KYAT3: variants seen among roughly 807,000 people sequenced by gnomAD.
KYAT3 encodes kynurenine aminotransferase 3, also known as kynurenine--oxoglutarate transaminase 3.
Under a neutral mutation model 59.0 loss-of-function variants are expected in KYAT3, and 50 were observed. That is an observed-to-expected ratio of 0.85 (90% CI 0.68 to 1.07). The LOEUF is 1.07. KYAT3 is among the 50% of genes least tolerant of loss of function. The pLI is 0.00. For missense variants in KYAT3, 497 were observed against 533.3 expected (o/e 0.93, Z 0.67); for synonymous variants, 148 against 177.0 (o/e 0.84, Z 1.30).
intron 13 of KYAT3, among the ~76,000 whole-genome samples, chr1:88,942,753 G>A (rs1006761194): frequency 6.6e-6 from 1 of 151,842 alleles, no homozygotes; most frequent in Admixed American, 6.6e-5. Flanking sequence ...TAGTAGAGAC[G>A]GGGTTTCACT....
intron 8 of KYAT3, among the ~76,000 whole-genome samples, chr1:88,960,677 A>G (rs554894818): frequency 1.3e-5 from 2 of 152,234 alleles, no homozygotes; most frequent in African/African-American, 4.8e-5. Context: ...CCTATAGTTG[A>G]CATGGTTTGG....
chr1:88,964,973 A>G lies in KYAT3; in HGVS notation c.309T>C (p.His103=). 1 of 1,601,570 alleles carries G rather than the reference A, an allele frequency of 6.2e-7. No homozygotes were observed. Among genetic ancestry groups the G allele is most frequent in the Non-Finnish European group, 8.5e-7 (1 of 1,177,426 alleles). The change falls in exon 5 of 14, where the codon CAT becomes CAC. Residue 103 remains histidine (H), a synonymous_variant. Coordinates refer to ENST00000260508, the MANE Select transcript of KYAT3 (RefSeq NM_001008661.3). ...AGGACAGAGCTTTCACAAGTGATGG[A>G]TGGCCCTGTTGGATTAAAAATAAGA... The part of the protein sequence containing the change: ...SLNQYTRGFG[H]PSLVKALSYL...
rs967285454 is a variant in KYAT3 at position 88,961,413 on chromosome 1, T to A, written c.634A>T (p.Ile212Leu). 22 of 1,613,994 alleles carry A rather than the reference T, an allele frequency of 1.4e-5. No homozygotes were observed. The highest frequency in any genetic ancestry group is 1.8e-5 in the Non-Finnish European group (21 of 1,179,904). The change falls in exon 7 of 14, where the codon ATA (isoleucine) becomes TTA (leucine). Residue 212 changes from isoleucine to leucine, a missense_variant. By Grantham distance (5) the Ile-to-Leu change is conservative (BLOSUM62 2). Around this residue, in one of 2 missense-constraint regions of KYAT3, gnomAD observed 469 missense variants for 479.1 expected, o/e 0.98. Transcript: ENST00000260508. ...AGTGGGTTATGTGGAGTATTTAGTA[T>A]AATAGCTTTGGTTTTGGAATTAAAT... ...SKFNSKTKAI[I>L]LNTPHNPLGK...
At position 88,964,849 on chromosome 1, in the gene KYAT3, A is replaced by G. The variant is rs762239950; in HGVS notation, c.433T>C (p.Leu145=). The G allele has an allele frequency of 3.1e-6, 5 of 1,595,358 alleles. No individual in the cohort carries two copies. The East Asian group carries it at 9.0e-5, about 29-fold the overall frequency. Residue 145 remains leucine, a synonymous_variant, in exon 5 of 14, where the codon TTA becomes CTA. Coordinates refer to ENST00000260508, the MANE Select transcript of KYAT3 (RefSeq NM_001008661.3). ...YGSLFNTIQA[L]IDEGDEVILI... The stretch of plus-strand genomic sequence containing the variant: ...CTTACTTCATCTCCCTCATCAATTA[A>G]TGCTTGAATGGTGTTAAAAAGAGAT...
chr1:88,958,545 A>C (rs1468786078), intron 8 of KYAT3, among the ~76,000 whole-genome samples: 1 of 152,216 alleles, frequency 6.6e-6, no homozygotes, highest in Admixed American at 6.5e-5. Context: ...ATTTTAAAAA[A>C]TCAATGTTAA....
chr1:88,958,826 G>A (rs1196137403), intron 8 of KYAT3, among the ~76,000 whole-genome samples: 1 of 151,788 alleles, frequency 6.6e-6, no homozygotes, highest in East Asian at 1.9e-4. Context: ...ATTTCATGAT[G>A]TAGAACACTG....
At chr1:88,963,381 CA>C (rs1676224353) in intron 5 of KYAT3, among the ~76,000 whole-genome samples, 2 of 152,154 alleles carry the variant, frequency 1.3e-5, no homozygotes, top group Non-Finnish European at 2.9e-5. Flanking sequence ...CTGTGAACTT[CA>C]TTAACATGTT....
intron 2 of KYAT3, among the ~76,000 whole-genome samples, chr1:88,978,162 TTTAG>T (rs1411468873): frequency 1.3e-5 from 2 of 152,170 alleles, no homozygotes; most frequent in Admixed American, 1.3e-4. Context: ...AGTGATGACA[TTTAG>T]TATTAATTCA....
rs922278223 is a variant in KYAT3 at position 88,983,852 on chromosome 1, G to A, written c.99+4400C>T. 4 of 1,602,224 alleles carry A rather than the reference G, an allele frequency of 2.5e-6. No homozygotes were observed. The African/African-American group carries it at 4.1e-5, about 16-fold the overall frequency. The stretch of plus-strand genomic sequence containing the variant: ...TTTTTTTTTTGCCGGTGAGTCGGAG[G>A]GGTGACAGTGGGTTCAAGCTCCAAC... On this transcript the variant is annotated intron_variant, in intron 2 of 13. Transcript: ENST00000260508.
At chr1:88,991,730 G>A (rs199903497) in intron 1 of KYAT3, among the ~76,000 whole-genome samples, 61 of 152,370 alleles carry the variant, frequency 4.0e-4, no homozygotes, top group African/African-American at 1.4e-3. Context: ...TCTCCAGAAG[G>A]AAAGCAGTGC....
At chr1:88,931,121 C>A (rs1201043646), downstream of KYAT3, among the ~76,000 whole-genome samples, 1 of 152,070 alleles carries the variant, frequency 6.6e-6, no homozygotes, top group Non-Finnish European at 1.5e-5. Flanking sequence ...TTACTTAAAA[C>A]CCTTCACCAA....
downstream of KYAT3, among the ~76,000 whole-genome samples, chr1:88,933,636 C>A (rs750736207): frequency 2.0e-5 from 3 of 152,078 alleles, no homozygotes; most frequent in Non-Finnish European, 2.9e-5. Flanking sequence ...GATTGAAGGT[C>A]CAAGAGCATA....
At position 88,953,162 on chromosome 1, in the gene KYAT3, G is replaced by A. The variant is rs201974256; in HGVS notation, c.865-10C>T. ...CAATGGACCAGCCAAGCTGGGAAAG[G>A]AAAAGATAAAAGATTTCAGAAAATC... On this transcript the variant is annotated splice_polypyrimidine_tract_variant and intron_variant, in intron 9 of 13. Coordinates refer to ENST00000260508, the MANE Select transcript of KYAT3 (RefSeq NM_001008661.3). 1 of 1,586,804 alleles carries A rather than the reference G, an allele frequency of 6.3e-7. No homozygotes were observed. Among genetic ancestry groups the A allele is most frequent in the Non-Finnish European group, 8.6e-7 (1 of 1,156,256 alleles).
chr1:88,985,182 C>CA (rs1557708430), intron 2 of KYAT3, among the ~76,000 whole-genome samples: 1 of 151,942 alleles, frequency 6.6e-6, no homozygotes, highest in Admixed American at 6.6e-5. Context: ...TTTATTCTCT[C>CA]AAAAAAAATT....
chr1:88,982,762 C>A (rs762992748), intron 2 of KYAT3: 1 of 1,613,948 alleles, frequency 6.2e-7, no homozygotes, highest in Non-Finnish European at 8.5e-7. Context: ...AAGAAGGGTA[C>A]CCCCTTTCTA....
the KYAT3 span, among the ~76,000 whole-genome samples, chr1:88,921,630 T>C: frequency 2.0e-5 from 3 of 152,212 alleles, no homozygotes; most frequent in African/African-American, 7.2e-5. Flanking sequence ...CCTGTATTAG[T>C]CAGGGTTCTC....
intron 8 of KYAT3, among the ~76,000 whole-genome samples, 199 bp from the exon 9 acceptor site, chr1:88,955,424 G>A (rs1407869503): frequency 6.6e-6 from 1 of 151,994 alleles, no homozygotes; most frequent in East Asian, 1.9e-4. Flanking sequence ...ATACTGTAAT[G>A]TTGCACCAAG....
At chr1:88,930,300 A>C in the KYAT3 span, among the ~76,000 whole-genome samples, 101 of 136,394 alleles carry the variant, frequency 7.4e-4, no homozygotes, top group South Asian at 1.4e-3. Flanking sequence ...GGCTGTCAGA[A>C]AACCGTTTAC....
At chr1:88,961,671 A>T (rs1676151817) in intron 6 of KYAT3, among the ~76,000 whole-genome samples, 165 bp from the exon 7 acceptor site, 1 of 152,228 alleles carries the variant, frequency 6.6e-6, no homozygotes, top group African/African-American at 2.4e-5. Context: ...AAAAAAAACT[A>T]GAAAAAGACT....
Sources: gnomAD v4.1 joint callset for allele counts (sites outside exome capture counted in the v4.1 genomes callset) on GRCh38, gnomAD v4.1.1 for gene constraint, gnomAD v4.1.1 regional missense constraint, MANE v1.5 for transcripts, NCBI Gene and HGNC (gene_info 2026-07-23, HGNC 2026-07-21) for gene names.